Variants in CBX6 observed in about 807,000 individuals in gnomAD.
The protein encoded by CBX6 is chromobox protein homolog 6.
In CBX6, 7 loss-of-function variants were observed where a neutral mutation model predicts 28.4. That is an observed-to-expected ratio of 0.25 (90% CI 0.14 to 0.46). The LOEUF (loss-of-function observed/expected upper bound fraction) is 0.46. Among genes scored for constraint, CBX6 ranks in the 20% least tolerant of loss-of-function variants. The probability of loss-of-function intolerance (pLI) is 0.99; values close to 1 mark genes in which losing one functional copy is unlikely to be tolerated. For missense variants in CBX6, 512 were observed against 606.1 expected (o/e 0.84, Z 1.63); for synonymous variants, 297 against 273.4 (o/e 1.09, Z -0.85).
rs2093158509 is a variant in CBX6, at chr22:38,862,093, C to CCCCT, written c.*4115_*4116insAGGG. On this transcript the variant is annotated 3_prime_UTR_variant, in exon 5 of 5. Coordinates refer to ENST00000407418, the MANE Select transcript of CBX6 (RefSeq NM_014292.5). The stretch of plus-strand genomic sequence containing the variant: ...CTACCCGGCCTCCCGCAAGAGGGTT[C>CCCCT]CCCCATGAGACCGTTAGTCTCTCTT... 1 of 152,240 alleles carries CCCCT rather than the reference C, an allele frequency of 6.6e-6. No individual in the cohort carries two copies. The highest frequency in any genetic ancestry group is 1.5e-5 in the Non-Finnish European group (1 of 68,048). 9.4% of individuals were successfully genotyped at this position (152,240 alleles called of 1,614,324 possible). A position where few individuals can be genotyped will look rare whatever the true frequency, so the allele number is the denominator to read the frequency against.
At position 38,866,032 on chromosome 22, in the gene CBX6, C is replaced by T; in HGVS notation, c.*177G>A. 1.6e-6 allele frequency: 1 copy of T among 612,784 alleles called. No individual in the cohort carries two copies. Among genetic ancestry groups the T allele is most frequent in the Non-Finnish European group, 2.9e-6 (1 of 349,482 alleles). 38.0% of individuals were successfully genotyped at this position (612,784 alleles called of 1,614,324 possible). A position where few individuals can be genotyped will look rare whatever the true frequency, so the allele number is the denominator to read the frequency against. ...TTCCCCTGCCCCATTCCAGGGTGGC[C>T]CCTACCCCCGGCTTTCTGGGACCCC... On this transcript the variant is annotated 3_prime_UTR_variant, in exon 5 of 5. Coordinates refer to ENST00000407418, the MANE Select transcript of CBX6 (RefSeq NM_014292.5). This position sits in a 1 kb window ranked among gnomAD's most constrained non-coding sequence, Gnocchi z 7.5.
chr22:38,867,920 C>G (rs73884573), intron 4 of CBX6, among the ~76,000 whole-genome samples: 2 of 152,166 alleles, frequency 1.3e-5, no homozygotes, highest in Non-Finnish European at 2.9e-5. Context: ...TTGGTGGGGA[C>G]AGGCCTAGAA....
chr22:38,866,244 C>A lies in CBX6; in HGVS notation c.1204G>T (p.Ala402Ser), dbSNP rs1568994995. The A allele has an allele frequency of 6.2e-7, 1 of 1,612,628 alleles. No homozygotes were observed. Reference protein sequence around the residue: ...EKVAAGVAGAAGGGGSIGASK With the variant: ...EKVAAGVAGASGGGGSIGASK The stretch of plus-strand genomic sequence containing the variant: ...GCCCCAATGCTGCCACCGCCCCCAG[C>A]GGCGCCTGCTACCCCAGCAGCCACC... Residue 402 changes from alanine to serine, a missense_variant, in exon 5 of 5, where the codon GCT becomes TCT. Around this residue, in one of 7 missense-constraint regions of CBX6, gnomAD observed 33 missense variants for 35.3 expected, o/e 0.94. Coordinates refer to ENST00000407418, the MANE Select transcript of CBX6 (RefSeq NM_014292.5). The surrounding 1 kb of genome is among the most constrained non-coding windows in gnomAD (Gnocchi z 7.5).
In CBX6 at chr22:38,872,001, G is replaced by T; in HGVS notation, c.70-56C>A. 7.0e-7 allele frequency: 1 copy of T among 1,427,696 alleles called. No homozygotes were observed. 88.4% of individuals were successfully genotyped at this position (1,427,696 alleles called of 1,614,324 possible). ...GGGGGTGGGGAGGATGCGGGGACGC[G>T]AGGAGGCGGCGGCGCGGGGCTGGGC... is the stretch of plus-strand genomic sequence containing the variant. On this transcript the variant is annotated intron_variant, in intron 1 of 4. Transcript: ENST00000407418. This position sits in a 1 kb window ranked among gnomAD's most constrained non-coding sequence, Gnocchi z 5.0.
In CBX6 at chr22:38,866,571, G is replaced by A; in HGVS notation, c.877C>T (p.Pro293Ser). 2 of 1,576,596 alleles carry A rather than the reference G, an allele frequency of 1.3e-6. No individual in the cohort carries two copies. Among genetic ancestry groups the A allele is most frequent in the Non-Finnish European group, 1.7e-6 (2 of 1,168,644 alleles). ...PQSSDPDDTP[P>S]KLLPETVSPS... is the part of the protein sequence containing the mutation. ...CTCACGGTCTCGGGGAGGAGCTTGG[G>A]GGGCGTGTCGTCGGGGTCAGAGGAC... The change falls in exon 5 of 5, where the codon CCC becomes TCC. Residue 293 changes from proline (P) to serine (S), a missense_variant. Pro to Ser is a moderately conservative substitution (Grantham distance 74). This residue lies in a region of CBX6 where 290 missense variants were observed against 274.1 expected (regional missense o/e 1.06). Coordinates refer to ENST00000407418, the MANE Select transcript of CBX6 (RefSeq NM_014292.5). The surrounding 1 kb of genome is among the most constrained non-coding windows in gnomAD (Gnocchi z 7.5).
At position 38,866,490 on chromosome 22, in the gene CBX6, CGGGA is replaced by C; in HGVS notation, c.954_957del (p.Pro319SerfsTer59). On this transcript the variant is annotated frameshift_variant, in exon 5 of 5. Coordinates refer to ENST00000407418, the MANE Select transcript of CBX6 (RefSeq NM_014292.5). LOFTEE classifies it high-confidence loss of function. This position sits in a 1 kb window ranked among gnomAD's most constrained non-coding sequence, Gnocchi z 7.5. ...GCCCGCTTGCTGGTGGCTGCCGACT[CGGGA>C]GGGAGGGACAGGTCGAGCACCTCCG... 1 of 1,595,102 alleles carries C rather than the reference CGGGA, an allele frequency of 6.3e-7. No individual in the cohort carries two copies. The highest frequency in any genetic ancestry group is 8.5e-7 in the Non-Finnish European group (1 of 1,175,546).
At position 38,866,377 on chromosome 22, in the gene CBX6, G is replaced by C. The variant is rs1171296633; in HGVS notation, c.1071C>G (p.Asp357Glu). 6.2e-7 allele frequency: 1 copy of C among 1,613,608 alleles called. No homozygotes were observed. Among genetic ancestry groups the C allele is most frequent in the East Asian group, 2.2e-5 (1 of 44,852 alleles). The change falls in exon 5 of 5, where the codon GAC (aspartate) becomes GAG (glutamate). Residue 357 changes from aspartate to glutamate, a missense_variant. Around this residue, in one of 7 missense-constraint regions of CBX6, gnomAD observed 290 missense variants for 274.1 expected, o/e 1.06. Transcript: ENST00000407418. The surrounding 1 kb of genome is among the most constrained non-coding windows in gnomAD (Gnocchi z 7.5). ...AGCAGGGTGACATCTCGGGGCGCCAGTCCCCAGCCTCGGGCTCGGAGGAGG... is the reference window on the plus strand; with the variant it reads ...AGCAGGGTGACATCTCGGGGCGCCACTCCCCAGCCTCGGGCTCGGAGGAGG... ...AGASSEPEAG[D>E]WRPEMSPCSN...
At position 38,861,966 on chromosome 22, in the gene CBX6, G is replaced by A. The variant is rs752989303; in HGVS notation, c.*4243C>T. The A allele has an allele frequency of 3.3e-5, 5 of 152,138 alleles. No individual in the cohort carries two copies. The highest frequency in any genetic ancestry group is 1.2e-4 in the African/African-American group (5 of 41,412). 9.4% of individuals were successfully genotyped at this position (152,138 alleles called of 1,614,324 possible). A position where few individuals can be genotyped will look rare whatever the true frequency, so the allele number is the denominator to read the frequency against. The stretch of plus-strand genomic sequence containing the variant: ...AAAAATTAAAAAAATTATAAGATAC[G>A]TATTTCTTTAGGCCTTTGTGTTTTT... On this transcript the variant is annotated 3_prime_UTR_variant, in exon 5 of 5. Coordinates refer to ENST00000407418, the MANE Select transcript of CBX6 (RefSeq NM_014292.5).
At position 38,861,476 on chromosome 22, in the gene CBX6, G is replaced by A. The variant is rs138286478; in HGVS notation, c.*4733C>T. ...AGGGGCTAGGCCTCAGCTTCGGAAT[G>A]TGACAATTTATTTGGGGGGTAAAAG... On this transcript the variant is annotated 3_prime_UTR_variant, in exon 5 of 5. Transcript: ENST00000407418. 2 of 152,342 alleles carry A rather than the reference G, an allele frequency of 1.3e-5. No individual in the cohort carries two copies. Among genetic ancestry groups the A allele is most frequent in the East Asian group, 1.9e-4 (1 of 5,190 alleles). 9.4% of individuals were successfully genotyped at this position (152,342 alleles called of 1,614,324 possible).
At position 38,864,268 on chromosome 22, in the gene CBX6, A is replaced by T. The variant is rs1178143499; in HGVS notation, c.*1941T>A. 6.7e-6 allele frequency: 1 copy of T among 149,988 alleles called. No homozygotes were observed. The highest frequency in any genetic ancestry group is 1.5e-5 in the Non-Finnish European group (1 of 67,654). 9.3% of individuals were successfully genotyped at this position (149,988 alleles called of 1,614,324 possible). ...TTGTTTTTGTTTTTTTGCAAAACTA[A>T]TTCTTTCACTTTCCTGTCATAAAAT... On this transcript the variant is annotated 3_prime_UTR_variant, in exon 5 of 5. Transcript: ENST00000407418.
Position 38,871,817 on chromosome 22 carries a change from G to T in CBX6, c.114-60C>A. The T allele has an allele frequency of 6.3e-7, 1 of 1,585,710 alleles. No homozygotes were observed. Among genetic ancestry groups the T allele is most frequent in the Non-Finnish European group, 8.6e-7 (1 of 1,163,320 alleles). ...GACCAGAGAGGGACAGGCACGCGGC[G>T]AGAGCAAGAGCGCGCACCCCCACCC... On this transcript the variant is annotated intron_variant, in intron 2 of 4. Coordinates refer to ENST00000407418, the MANE Select transcript of CBX6 (RefSeq NM_014292.5). This position sits in a 1 kb window ranked among gnomAD's most constrained non-coding sequence, Gnocchi z 5.6.
chr22:38,867,773 C>T (rs781778541), intron 4 of CBX6, among the ~76,000 whole-genome samples: 2 of 152,248 alleles, frequency 1.3e-5, no homozygotes, highest in Non-Finnish European at 2.9e-5. Context: ...CCTGTCTCCT[C>T]AGCTGGCCAG....
rs2093182804 is a variant in CBX6, at chr22:38,871,736, C to T, written c.135G>A (p.Glu45=). 4 of 1,612,046 alleles carry T rather than the reference C, an allele frequency of 2.5e-6. No individual in the cohort carries two copies. Among genetic ancestry groups the T allele is most frequent in the Non-Finnish European group, 3.4e-6 (4 of 1,178,924 alleles). ...WAIKYSTWEP[E]ENILDSRLIA... is the part of the protein sequence containing the mutation. ...TGAGCCGCGAGTCCAGGATGTTCTCCTCGGGCTCCCAAGTGCTGTACCTGC... is the reference window on the plus strand; with the variant it reads ...TGAGCCGCGAGTCCAGGATGTTCTCTTCGGGCTCCCAAGTGCTGTACCTGC... The change falls in exon 3 of 5, where the codon GAG becomes GAA. Residue 45 remains glutamate (E), a synonymous_variant. Coordinates refer to ENST00000407418, the MANE Select transcript of CBX6 (RefSeq NM_014292.5). This position sits in a 1 kb window ranked among gnomAD's most constrained non-coding sequence, Gnocchi z 5.6.
chr22:38,870,134 C>G lies in CBX6; in HGVS notation c.246+1346G>C, dbSNP rs1568997043. On this transcript the variant is annotated intron_variant, in intron 4 of 4. Coordinates refer to ENST00000407418, the MANE Select transcript of CBX6 (RefSeq NM_014292.5). The surrounding 1 kb of genome is among the most constrained non-coding windows in gnomAD (Gnocchi z 4.3). ...CCCCTTTAACCTGACATGGACTACT[C>G]AAGGCACAAGATGAAGAAAAGGAGA... The G allele has an allele frequency of 6.6e-6, 1 of 152,218 alleles. No homozygotes were observed. Among genetic ancestry groups the G allele is most frequent in the Non-Finnish European group, 1.5e-5 (1 of 68,052 alleles). 9.4% of individuals were successfully genotyped at this position (152,218 alleles called of 1,614,324 possible).
chr22:38,871,416 G>A lies in CBX6; in HGVS notation c.246+64C>T, dbSNP rs768920575. 3.3e-6 allele frequency: 5 copies of A among 1,496,846 alleles called. No homozygotes were observed. The South Asian group carries it at 3.7e-5, about 11-fold the overall frequency. The allele number at this position is 1,496,846 out of a possible 1,614,324, so 92.7% of individuals were successfully genotyped here. A position where few individuals can be genotyped will look rare whatever the true frequency, so the allele number is the denominator to read the frequency against. Reference sequence around the variant, plus strand: ...CCGCGTATCTGTCCCTCCCTTCCAGGCCCCGTGCTGTGCCGGGGCTGGGGG... The same window carrying A: ...CCGCGTATCTGTCCCTCCCTTCCAGACCCCGTGCTGTGCCGGGGCTGGGGG... On this transcript the variant is annotated intron_variant, in intron 4 of 4. Coordinates refer to ENST00000407418, the MANE Select transcript of CBX6 (RefSeq NM_014292.5). This position sits in a 1 kb window ranked among gnomAD's most constrained non-coding sequence, Gnocchi z 5.6.
chr22:38,862,518 C>CAAAAAAAAAAAAAAAAAAAAAAAAAAGA lies in CBX6; in HGVS notation c.*3690_*3691insTCTTTTTTTTTTTTTTTTTTTTTTTTTT, dbSNP rs2093159480. ...TCCACTGTCCTGTGTGGGCGAAGTG[C>CAAAAAAAAAAAAAAAAAAAAAAAAAAGA]AAAAAAAAAAAAAAAAAAAAAAAAA... On this transcript the variant is annotated 3_prime_UTR_variant, in exon 5 of 5. Coordinates refer to ENST00000407418, the MANE Select transcript of CBX6 (RefSeq NM_014292.5). The CAAAAAAAAAAAAAAAAAAAAAAAAAAGA allele has an allele frequency of 7.3e-5, 2 of 27,416 alleles. No homozygotes were observed. The highest frequency in any genetic ancestry group is 6.1e-5 in the Non-Finnish European group (1 of 16,462). 1.7% of individuals were successfully genotyped at this position (27,416 alleles called of 1,614,324 possible). A position where few individuals can be genotyped will look rare whatever the true frequency, so the allele number is the denominator to read the frequency against.
chr22:38,867,904 G>A (rs2093174411), intron 4 of CBX6, among the ~76,000 whole-genome samples: 3 of 152,250 alleles, frequency 2.0e-5, no homozygotes, highest in South Asian at 2.1e-4. Context: ...CCGGTCAGAC[G>A]TGAGTTTGGT....
chr22:38,866,064 C>G lies in CBX6; in HGVS notation c.*145G>C, dbSNP rs536000164. On this transcript the variant is annotated 3_prime_UTR_variant, in exon 5 of 5. Coordinates refer to ENST00000407418, the MANE Select transcript of CBX6 (RefSeq NM_014292.5). The surrounding 1 kb of genome is among the most constrained non-coding windows in gnomAD (Gnocchi z 7.5). ...CCCGGCTTTCTGGGACCCCAACTAC[C>G]CAGCCCCATCCCTGGGTCAACACCG... 4.3e-6 allele frequency: 3 copies of G among 705,362 alleles called. No homozygotes were observed. In the Admixed American group the frequency reaches 8.7e-5, roughly 20 times the overall value. 43.7% of individuals were successfully genotyped at this position (705,362 alleles called of 1,614,324 possible).
rs772525218 is a variant in CBX6, at chr22:38,863,321, G to A, written c.*2888C>T. The A allele has an allele frequency of 3.9e-5, 6 of 152,170 alleles. No individual in the cohort carries two copies. Among genetic ancestry groups the A allele is most frequent in the Non-Finnish European group, 7.3e-5 (5 of 68,038 alleles). The allele number at this position is 152,170 out of a possible 1,614,324, so 9.4% of individuals were successfully genotyped here. ...GGGGGCGCACTTAAGGGGAGATGAC[G>A]GATGCCCCAACCAATATTGAACGTA... On this transcript the variant is annotated 3_prime_UTR_variant, in exon 5 of 5. Transcript: ENST00000407418.
Sources: allele counts gnomAD v4.1 joint callset (sites outside exome capture counted in the v4.1 genomes callset), GRCh38; gene constraint gnomAD v4.1.1; regional missense constraint gnomAD v4.1.1; non-coding constraint Gnocchi (gnomAD v3.1); transcripts MANE v1.5; gene names NCBI Gene and HGNC (gene_info 2026-07-23, HGNC 2026-07-21).